The following PRAG1 variants were observed in gnomAD, a reference collection of about 807,000 sequenced individuals.
The protein encoded by PRAG1 is inactive tyrosine-protein kinase PRAG1.
PRAG1 carries 110 observed loss-of-function variants against 95.6 expected under a neutral mutation model. The ratio of observed to expected loss-of-function variants is 1.15; its 90% CI spans 0.99 to 1.35. The LOEUF is 1.35. PRAG1 is among the 40% of genes most tolerant of loss of function. The pLI is 0.00. For missense variants in PRAG1, 2,554 were observed against 1,864.7 expected (o/e 1.37, Z -6.81); for synonymous variants, 1,052 against 819.4 (o/e 1.28, Z -4.85).
intron 3 of PRAG1, among the ~76,000 whole-genome samples, chr8:8,342,900 T>C (rs1042437428): frequency 6.6e-6 from 1 of 151,832 alleles, no homozygotes; most frequent in Non-Finnish European, 1.5e-5. Context: ...AAAAGATAAA[T>C]CTGACTACTT....
chr8:8,355,305 G>C (rs1159259634), intron 3 of PRAG1, among the ~76,000 whole-genome samples: 1 of 152,102 alleles, frequency 6.6e-6, no homozygotes, highest in African/African-American at 2.4e-5. Flanking sequence ...TCATGGATCA[G>C]AAGAATTAAT....
In PRAG1 at chr8:8,365,102, C is replaced by T. The variant is rs148050236; in HGVS notation, c.2162+11145G>A. On this transcript the variant is annotated intron_variant, in intron 3 of 5. Coordinates refer to ENST00000615670, the MANE Select transcript of PRAG1 (RefSeq NM_001080826.3). The stretch of plus-strand genomic sequence containing the variant: ...CTATTTTCTCCTAGGGAGACATGAC[C>T]TGTTTTCAATCAAGCATCTCTATAA... 1.3e-3 allele frequency among the ~76,000 whole-genome samples: 199 copies of T among 152,250 alleles called. 3 individuals carry two copies. The highest frequency in any genetic ancestry group is 1.6e-3 in the Non-Finnish European group (106 of 68,004).
intron 5 of PRAG1, among the ~76,000 whole-genome samples, chr8:8,326,430 A>G (rs1016912234): frequency 1.3e-5 from 2 of 152,154 alleles, no homozygotes; most frequent in African/African-American, 4.8e-5. Flanking sequence ...ATGAGAGAAG[A>G]TAGCTCAGGG....
Position 8,377,212 on chromosome 8 carries a change from G to A in PRAG1, c.1197C>T (p.Pro399=), listed in dbSNP as rs367907770. The A allele has an allele frequency of 6.2e-7, 1 of 1,611,942 alleles. No homozygotes were observed. The highest frequency in any genetic ancestry group is 1.1e-5 in the South Asian group (1 of 91,048). The stretch of plus-strand genomic sequence containing the variant: ...GTGTAGCCTCCCGGGGGTGGGCCGG[G>A]GGCTGGGGCTCCCCCGTCAGCCCAA... ...RCLGLTGEPQ[P]PAHPREATQP... is the part of the protein sequence containing the mutation. Residue 399 remains proline (P), a synonymous_variant, in exon 3 of 6, where the codon CCC becomes CCT. Transcript: ENST00000615670.
chr8:8,348,384 A>G (rs1417109964), intron 3 of PRAG1, among the ~76,000 whole-genome samples: 2 of 152,214 alleles, frequency 1.3e-5, no homozygotes, highest in Non-Finnish European at 2.9e-5. Flanking sequence ...ACAGAAACAC[A>G]CATCTCAAAT....
intron 1 of PRAG1, among the ~76,000 whole-genome samples, 163 bp downstream of exon 1, chr8:8,386,158 C>T (rs1016688867): frequency 6.6e-6 from 1 of 152,176 alleles, no homozygotes; most frequent in Non-Finnish European, 1.5e-5. Flanking sequence ...TCGGGCACCA[C>T]CCGGGGCTCA....
chr8:8,336,916 C>CG (rs1563233281), intron 4 of PRAG1, among the ~76,000 whole-genome samples: 1 of 32,814 alleles, frequency 3.0e-5, no homozygotes, highest in African/African-American at 1.1e-4. Context: ...TTTCCCCCCT[C>CG]CCCCCACCTC....
chr8:8,330,631 C>T (rs1312200974), intron 4 of PRAG1, among the ~76,000 whole-genome samples: 1 of 152,094 alleles, frequency 6.6e-6, no homozygotes, highest in East Asian at 1.9e-4. Context: ...CGAATTTCCC[C>T]CTCAATAGTC....
Position 8,317,829 on chromosome 8 carries a change from C to G in PRAG1, c.*325G>C, listed in dbSNP as rs931885990. On this transcript the variant is annotated 3_prime_UTR_variant, in exon 6 of 6. Coordinates refer to ENST00000615670, the MANE Select transcript of PRAG1 (RefSeq NM_001080826.3). The stretch of plus-strand genomic sequence containing the variant: ...GACAAAAGGGTGAAGAAATCCTAAA[C>G]AAGGTATTGAGGCCAGTGTCCAGGC... 1.1e-5 allele frequency: 2 copies of G among 187,010 alleles called. No individual in the cohort carries two copies. The highest frequency in any genetic ancestry group is 2.1e-5 in the Non-Finnish European group (2 of 93,300). 11.6% of individuals were successfully genotyped at this position (187,010 alleles called of 1,614,324 possible). A position where few individuals can be genotyped will look rare whatever the true frequency, so the allele number is the denominator to read the frequency against.
At chr8:8,342,214 G>A (rs1484369904) in intron 3 of PRAG1, among the ~76,000 whole-genome samples, 1 of 143,258 alleles carries the variant, frequency 7.0e-6, no homozygotes, top group Non-Finnish European at 1.5e-5. Context: ...TTTTTTTTGA[G>A]ATGGAGTCTT....
intron 3 of PRAG1, among the ~76,000 whole-genome samples, chr8:8,356,722 TAATAGCCAAAACAATCTAGAA>T (rs1799693949): frequency 6.6e-6 from 1 of 152,128 alleles, no homozygotes; most frequent in Admixed American, 6.6e-5. Context: ...CAACATATCC[TAATAGCCAAAACAATCTAGAA>T]AAAGAACAAA....
chr8:8,359,918 G>A (rs1335924282), intron 3 of PRAG1, among the ~76,000 whole-genome samples: 2 of 152,088 alleles, frequency 1.3e-5, no homozygotes, highest in Non-Finnish European at 2.9e-5. Context: ...TATACAAGTC[G>A]ATTGATCTTG....
At position 8,381,750 on chromosome 8, in the gene PRAG1, T is replaced by G. The variant is rs1157280025; in HGVS notation, c.-3A>C. 1 of 1,572,412 alleles carries G rather than the reference T, an allele frequency of 6.4e-7. No individual in the cohort carries two copies. Among genetic ancestry groups the G allele is most frequent in the Non-Finnish European group, 8.7e-7 (1 of 1,154,732 alleles). ...TTCAGGCAGAGGGTCTGGTGCATCT[T>G]GAGCCGACAGGGTGCTGGTTCATCT... is the stretch of plus-strand genomic sequence containing the variant. On this transcript the variant is annotated 5_prime_UTR_variant, in exon 2 of 6. Coordinates refer to ENST00000615670, the MANE Select transcript of PRAG1 (RefSeq NM_001080826.3).
intron 2 of PRAG1, among the ~76,000 whole-genome samples, chr8:8,379,249 G>A (rs1053503598): frequency 6.6e-6 from 1 of 152,190 alleles, no homozygotes; most frequent in Admixed American, 6.5e-5. Flanking sequence ...AGTGACCTCA[G>A]CCTGAGCCTG....
Position 8,378,009 on chromosome 8 carries a change from C to G in PRAG1, c.400G>C (p.Gly134Arg). 1 of 1,593,498 alleles carries G rather than the reference C, an allele frequency of 6.3e-7. No homozygotes were observed. Among genetic ancestry groups the G allele is most frequent in the Non-Finnish European group, 8.6e-7 (1 of 1,168,586 alleles). Residue 134 changes from glycine to arginine, a missense_variant, in exon 3 of 6, where the codon GGC becomes CGC. Gly to Arg is a moderately radical substitution (Grantham distance 125). Transcript: ENST00000615670. ...KQEDAPVVYL[G>R]SFRGVQKPAG... Reference sequence around the variant, plus strand: ...GGCTTCTGTACACCTCGGAAGCTGCCCAGGTAGACGACGGGGGCATCCTCC... The same window carrying G: ...GGCTTCTGTACACCTCGGAAGCTGCGCAGGTAGACGACGGGGGCATCCTCC...
chr8:8,356,358 T>C (rs1343009827), intron 3 of PRAG1, among the ~76,000 whole-genome samples: 1 of 152,194 alleles, frequency 6.6e-6, no homozygotes, highest in Non-Finnish European at 1.5e-5. Context: ...GTTTTTGTTT[T>C]GTTTTGAGAC....
chr8:8,378,114 G>C (rs1261214428), intron 2 of PRAG1, 36 bp from the exon 3 acceptor site: 2 of 1,506,060 alleles, frequency 1.3e-6, no homozygotes, highest in African/African-American at 2.8e-5. Context: ...ACTTATATTA[G>C]AACTTGTCAT....
intron 3 of PRAG1, among the ~76,000 whole-genome samples, chr8:8,355,040 C>T (rs901332376): frequency 2.7e-5 from 4 of 150,636 alleles, no homozygotes; most frequent in Non-Finnish European, 5.9e-5. Flanking sequence ...AGAATTCCAC[C>T]AAAAAAAGAA....
At chr8:8,379,142 G>C (rs908290097) in intron 2 of PRAG1, among the ~76,000 whole-genome samples, 1 of 151,972 alleles carries the variant, frequency 6.6e-6, no homozygotes, top group South Asian at 2.1e-4. Flanking sequence ...GCTGGATCAG[G>C]GTGAGGGGTG....
Sources: allele counts gnomAD v4.1 joint callset (sites outside exome capture counted in the v4.1 genomes callset), GRCh38; gene constraint gnomAD v4.1.1; transcripts MANE v1.5; gene names NCBI Gene and HGNC (gene_info 2026-07-23, HGNC 2026-07-21).